The following C10orf67 variants were observed in gnomAD, a reference collection of about 807,000 sequenced individuals.
C10orf67 encodes uncharacterized protein C10orf67, mitochondrial.
In C10orf67, 60 loss-of-function variants were observed where a neutral mutation model predicts 35.6. The observed-to-expected ratio is 1.68, with a 90% CI of 1.37 to 2.09. C10orf67 has a LOEUF of 2.09. C10orf67 is among the 30% of genes most tolerant of loss of function. C10orf67 has a pLI of 0.00. For synonymous variants in C10orf67, 167 were observed against 115.8 expected, an observed-to-expected ratio of 1.44 and a Z score of -2.84; for missense variants, 474 against 330.2, an observed-to-expected ratio of 1.44 and a Z score of -3.38.
At chr10:23,328,731 C>G (rs893676859) in intron 2 of C10orf67, among the ~76,000 whole-genome samples, 2 of 149,052 alleles carry the variant, frequency 1.3e-5, no homozygotes, top group African/African-American at 4.9e-5. Flanking sequence ...CACCTGTAAT[C>G]CTAACATTTT....
chr10:23,247,375 G>A (rs1842342798), intron 12 of C10orf67, among the ~76,000 whole-genome samples: 1 of 152,052 alleles, frequency 6.6e-6, no homozygotes, highest in African/African-American at 2.4e-5. Flanking sequence ...ACTTACCATT[G>A]TGTTATAATT....
chr10:23,260,907 C>G (rs2132182394), intron 10 of C10orf67, among the ~76,000 whole-genome samples: 1 of 152,314 alleles, frequency 6.6e-6, no homozygotes, highest in East Asian at 1.9e-4. Flanking sequence ...AAAGACCTTT[C>G]AAATATTCTT....
chr10:23,325,857 C>T (rs1845174875), intron 2 of C10orf67, among the ~76,000 whole-genome samples: 1 of 151,876 alleles, frequency 6.6e-6, no homozygotes, highest in African/African-American at 2.4e-5. Context: ...TATCAACAAA[C>T]AGAAAATTTT....
chr10:23,307,232 C>A (rs1276722812), intron 4 of C10orf67, among the ~76,000 whole-genome samples: 1 of 152,184 alleles, frequency 6.6e-6, no homozygotes, highest in East Asian at 1.9e-4. Flanking sequence ...TTATGCAAAA[C>A]CTGTGGTTTA....
chr10:23,278,235 G>A (rs894060014), intron 8 of C10orf67, among the ~76,000 whole-genome samples: 1 of 152,138 alleles, frequency 6.6e-6, no homozygotes, highest in Non-Finnish European at 1.5e-5. Context: ...TGACACTTAA[G>A]ATTGTAAAGC....
At chr10:23,331,870 CACTT>C (rs1313009483) in intron 2 of C10orf67, among the ~76,000 whole-genome samples, 5 of 152,052 alleles carry the variant, frequency 3.3e-5, no homozygotes, top group Non-Finnish European at 7.4e-5. Flanking sequence ...CATTTGGACA[CACTT>C]AGTTACGAAA....
At chr10:23,265,827 G>A (rs914129957) in intron 10 of C10orf67, among the ~76,000 whole-genome samples, 2 of 152,212 alleles carry the variant, frequency 1.3e-5, no homozygotes, top group African/African-American at 4.8e-5. Context: ...GCAGCATAGA[G>A]TTCATGCATG....
chr10:23,233,329 G>A (rs1340122515), intron 13 of C10orf67, among the ~76,000 whole-genome samples: 1 of 152,114 alleles, frequency 6.6e-6, no homozygotes, highest in African/African-American at 2.4e-5. Context: ...CCAAAATGGG[G>A]AAGGTGGGCT....
intron 8 of C10orf67, among the ~76,000 whole-genome samples, chr10:23,278,703 G>C (rs145667999): frequency 4.7e-4 from 71 of 152,336 alleles, no homozygotes; most frequent in Admixed American, 1.0e-3. Flanking sequence ...CCTCCGACCT[G>C]AAAGATGAGA....
intron 13 of C10orf67, among the ~76,000 whole-genome samples, chr10:23,225,010 T>C (rs1457032260): frequency 6.6e-6 from 1 of 152,006 alleles, no homozygotes; most frequent in Admixed American, 6.6e-5. Flanking sequence ...ATTCAGGAAA[T>C]ACAGAGAACA....
intron 1 of C10orf67, among the ~76,000 whole-genome samples, chr10:23,343,355 T>C (rs1309719868): frequency 6.6e-6 from 1 of 151,516 alleles, no homozygotes; most frequent in African/African-American, 2.4e-5. Context: ...CGTTGCACCA[T>C]GTGGAGACAC....
intron 15 of C10orf67, among the ~76,000 whole-genome samples, chr10:23,206,919 C>G (rs1841173000): frequency 6.6e-6 from 1 of 152,108 alleles, no homozygotes; most frequent in African/African-American, 2.4e-5. Flanking sequence ...ATGTATATCT[C>G]CAAGTTATGC....
At chr10:23,306,473 G>A (rs1286285909) in intron 4 of C10orf67, among the ~76,000 whole-genome samples, 2 of 148,390 alleles carry the variant, frequency 1.3e-5, no homozygotes, top group Non-Finnish European at 3.0e-5. Context: ...GCAGTGAGCC[G>A]AGATAGCACC....
intron 2 of C10orf67, among the ~76,000 whole-genome samples, chr10:23,331,718 A>G (rs1845495920): frequency 6.7e-6 from 1 of 149,792 alleles, no homozygotes; most frequent in African/African-American, 2.5e-5. Flanking sequence ...GAAAAGGGGA[A>G]GGGAAGGGGA....
intron 5 of C10orf67, among the ~76,000 whole-genome samples, chr10:23,302,505 T>C (rs2132284532): frequency 6.6e-6 from 1 of 152,336 alleles, no homozygotes; most frequent in South Asian, 2.1e-4. Context: ...ATACCTGCTA[T>C]TGCTATTCAA....
chr10:23,294,849 A>G (rs996421785), intron 5 of C10orf67, among the ~76,000 whole-genome samples: 7 of 152,178 alleles, frequency 4.6e-5, no homozygotes, highest in African/African-American at 1.4e-4. Flanking sequence ...TAGAGGGGGC[A>G]GTTGAATCAG....
At chr10:23,284,635 A>G (rs72786797) in intron 7 of C10orf67, among the ~76,000 whole-genome samples, 27,895 of 152,130 alleles carry the variant, frequency 0.18, 3,160 homozygotes, top group Non-Finnish European at 0.26. Context: ...GCAGTGAGCC[A>G]TGATCATGCC....
At chr10:23,310,530 C>T (rs762117228) in intron 4 of C10orf67, among the ~76,000 whole-genome samples, 3 of 152,186 alleles carry the variant, frequency 2.0e-5, no homozygotes, top group African/African-American at 4.8e-5. Flanking sequence ...CTGCAATGCC[C>T]TTCACAAGAG....
intron 13 of C10orf67, among the ~76,000 whole-genome samples, chr10:23,237,536 T>C (rs951454722): frequency 6.6e-6 from 1 of 152,180 alleles, no homozygotes; most frequent in African/African-American, 2.4e-5. Flanking sequence ...TGAGGCCAGA[T>C]GGATAAACAA....
Sources: allele counts gnomAD v4.1 joint callset (sites outside exome capture counted in the v4.1 genomes callset), GRCh38; gene constraint gnomAD v4.1.1; transcripts MANE v1.5; gene names NCBI Gene and HGNC (gene_info 2026-07-23, HGNC 2026-07-21).